The following ARHGAP22 variants were observed in gnomAD, a reference collection of about 807,000 sequenced individuals.
The protein encoded by ARHGAP22 is Rho GTPase activating protein 22, also known as rho GTPase-activating protein 22.
Under a neutral mutation model 59.1 loss-of-function variants are expected in ARHGAP22, and 48 were observed. The ratio of observed to expected loss-of-function variants is 0.81; its 90% CI spans 0.64 to 1.03. ARHGAP22 has a LOEUF of 1.03. Ranked by LOEUF, ARHGAP22 falls within the 50% of genes least tolerant of loss-of-function variation. The pLI is 0.00. For synonymous variants in ARHGAP22, 445 were observed against 416.4 expected (o/e 1.07, Z -0.84); for missense variants, 1,015 against 958.7 (o/e 1.06, Z -0.78).
chr10:48,643,764 A>ATATAT (rs1554964584), intron 1 of ARHGAP22, among the ~76,000 whole-genome samples: 32 of 144,268 alleles, frequency 2.2e-4, no homozygotes, highest in African/African-American at 6.7e-4. Context: ...AAAAAAAAAA[A>ATATAT]ATATATATAT....
intron 3 of ARHGAP22, among the ~76,000 whole-genome samples, chr10:48,519,787 G>C (rs930759166): frequency 3.3e-5 from 5 of 152,248 alleles, no homozygotes; most frequent in Admixed American, 1.3e-4. Context: ...AAACCAGAGA[G>C]GTGGTCTGGG....
chr10:48,440,727 T>C, the ARHGAP22 span, among the ~76,000 whole-genome samples: 2 of 152,152 alleles, frequency 1.3e-5, no homozygotes, highest in South Asian at 4.1e-4. Context: ...TTGTAGGTGA[T>C]AGGAACCCAT....
intron 3 of ARHGAP22, among the ~76,000 whole-genome samples, chr10:48,507,911 TGGGGTGGGGGTG>T (rs1396846713): frequency 2.1e-4 from 1 of 4,784 alleles, no homozygotes; most frequent in Non-Finnish European, 4.7e-4. Flanking sequence ...GGGGTGGGGG[TGGGGTGGGGGTG>T]GGGGTGGGGG....
chr10:48,644,014 G>A (rs2062183347), intron 1 of ARHGAP22, among the ~76,000 whole-genome samples: 1 of 152,128 alleles, frequency 6.6e-6, no homozygotes, highest in Non-Finnish European at 1.5e-5. Flanking sequence ...GGGCGTGGTG[G>A]CACATGCCTG....
chr10:48,438,251 T>C, the ARHGAP22 span: 4 of 152,252 alleles, frequency 2.6e-5, no homozygotes, highest in Non-Finnish European at 5.9e-5. Flanking sequence ...CCCTCTTAAA[T>C]GTTGCCTCTC....
chr10:48,605,116 C>T, upstream of ARHGAP22: 1 of 1,169,724 alleles, frequency 8.5e-7, no homozygotes, highest in Non-Finnish European at 1.1e-6. Flanking sequence ...TGGGCGCACG[C>T]GTGGCTGTCC....
At chr10:48,524,110 C>T in intron 3 of ARHGAP22, 1 of 1,339,768 alleles carries the variant, frequency 7.5e-7, no homozygotes. Context: ...CCCATGGCAG[C>T]CGCCCGCGGC....
chr10:48,632,327 G>T (rs1418738885), intron 1 of ARHGAP22, among the ~76,000 whole-genome samples: 1 of 152,108 alleles, frequency 6.6e-6, no homozygotes, highest in East Asian at 1.9e-4. Context: ...CTTCACTTTT[G>T]AAGAAAAATT....
At chr10:48,580,115 CATCTGCTGGG>C (rs1297121643) in intron 2 of ARHGAP22, among the ~76,000 whole-genome samples, 1 of 152,180 alleles carries the variant, frequency 6.6e-6, no homozygotes, top group African/African-American at 2.4e-5. Flanking sequence ...CAGATGCTGG[CATCTGCTGGG>C]AGATACTGGC....
chr10:48,493,393 C>T (rs1382390771), intron 3 of ARHGAP22: 8 of 1,511,560 alleles, frequency 5.3e-6, no homozygotes, highest in African/African-American at 1.4e-5. Context: ...CCCAGTCTCC[C>T]AGCCTGGTCC....
At chr10:48,448,359 G>A (rs550146015) in intron 9 of ARHGAP22, among the ~76,000 whole-genome samples, 2 of 152,258 alleles carry the variant, frequency 1.3e-5, no homozygotes, top group East Asian at 1.9e-4. Flanking sequence ...TTAACACACC[G>A]TGTATTTTTA....
rs566055234 is a variant in ARHGAP22, at chr10:48,454,020, C to T, written c.866+68G>A. On this transcript the variant is annotated intron_variant, in intron 7 of 9. Transcript: ENST00000249601. Reference sequence around the variant, plus strand: ...TCTGACAAGGAAGAGTTGCGTGTCTCGCTGTGGGGTTGGGGGAGCGTGGAG... The same window carrying T: ...TCTGACAAGGAAGAGTTGCGTGTCTTGCTGTGGGGTTGGGGGAGCGTGGAG... 9 of 1,500,602 alleles carry T rather than the reference C, an allele frequency of 6.0e-6. No individual in the cohort carries two copies. The East Asian group carries it at 9.0e-5, about 15-fold the overall frequency. 93.0% of individuals were successfully genotyped at this position (1,500,602 alleles called of 1,614,324 possible). A position where few individuals can be genotyped will look rare whatever the true frequency, so the allele number is the denominator to read the frequency against.
At chr10:48,578,333 T>C (rs909818381) in intron 2 of ARHGAP22, among the ~76,000 whole-genome samples, 6 of 152,210 alleles carry the variant, frequency 3.9e-5, no homozygotes, top group African/African-American at 1.4e-4. Flanking sequence ...TTTTCCTGCA[T>C]CCAGAATGCT....
At chr10:48,591,074 C>T (rs1169139566) in intron 1 of ARHGAP22, among the ~76,000 whole-genome samples, 1 of 152,216 alleles carries the variant, frequency 6.6e-6, no homozygotes, top group Non-Finnish European at 1.5e-5. Flanking sequence ...TGGTCTTGCT[C>T]ACTATGGACA....
chr10:48,509,215 T>C (rs1187343056), intron 3 of ARHGAP22, among the ~76,000 whole-genome samples: 1 of 152,124 alleles, frequency 6.6e-6, no homozygotes, highest in Admixed American at 6.5e-5. Flanking sequence ...CATCCTGCAC[T>C]CAGCTGGCGA....
intron 1 of ARHGAP22, among the ~76,000 whole-genome samples, chr10:48,632,665 A>G (rs938690083): frequency 6.6e-6 from 1 of 151,934 alleles, no homozygotes; most frequent in African/African-American, 2.4e-5. Flanking sequence ...GAGTTGGCCA[A>G]CTCCAAGTTT....
intron 3 of ARHGAP22, chr10:48,493,542 G>T (rs1437163586): frequency 1.3e-6 from 2 of 1,525,248 alleles, no homozygotes; most frequent in African/African-American, 2.7e-5. Flanking sequence ...AGACACACCT[G>T]TTGGGGTGCA....
At chr10:48,636,062 T>C (rs2061804112) in intron 1 of ARHGAP22, among the ~76,000 whole-genome samples, 1 of 152,218 alleles carries the variant, frequency 6.6e-6, no homozygotes. Context: ...CTCTCTCTCT[T>C]TTCATTAAAG....
At chr10:48,631,364 C>T (rs1300975508) in intron 1 of ARHGAP22, among the ~76,000 whole-genome samples, 1 of 152,166 alleles carries the variant, frequency 6.6e-6, no homozygotes, top group African/African-American at 2.4e-5. Flanking sequence ...CTGGAAGATA[C>T]TGTAGAGAAT....
Sources: gnomAD v4.1 joint callset for allele counts (sites outside exome capture counted in the v4.1 genomes callset) on GRCh38, gnomAD v4.1.1 for gene constraint, MANE v1.5 for transcripts, NCBI Gene and HGNC (gene_info 2026-07-23, HGNC 2026-07-21) for gene names.